The following RAB20 variants were observed in gnomAD, a reference collection of about 807,000 sequenced individuals.
RAB20 encodes RAB20, member RAS oncogene family.
A neutral mutation model predicts 3.7 loss-of-function variants in RAB20; 2 were observed. That is an observed-to-expected ratio of 0.54 (90% CI 0.22 to 1.69). RAB20 has a LOEUF of 1.69. Among genes scored for constraint, RAB20 ranks in the 40% most tolerant of loss-of-function variants. The probability of loss-of-function intolerance (pLI) is 0.19; values close to 1 mark genes in which losing one functional copy is unlikely to be tolerated. For synonymous variants in RAB20, 126 were observed against 130.8 expected (o/e 0.96, Z 0.25); for missense variants, 276 against 311.9 (o/e 0.88, Z 0.87).
chr13:110,555,767 C>CGA lies in RAB20; in HGVS notation c.172+5580_172+5581insTC, dbSNP rs1185263321. 6.6e-6 allele frequency among the ~76,000 whole-genome samples: 1 copy of CGA among 152,182 alleles called. No homozygotes were observed. The highest frequency in any genetic ancestry group is 1.9e-4 in the East Asian group (1 of 5,188). On this transcript the variant is annotated intron_variant, in intron 1 of 1. Coordinates refer to ENST00000267328, the MANE Select transcript of RAB20 (RefSeq NM_017817.3). This position sits in a 1 kb window ranked among gnomAD's most constrained non-coding sequence, Gnocchi z 4.0. ...TGGCCAGGTCTCCCAGGTTGCTGAG[C>CGA]CCTTGGGTGGCAGATGGCGACTTTT...
intron 1 of RAB20, among the ~76,000 whole-genome samples, chr13:110,528,734 C>G (rs1884476227): frequency 6.6e-6 from 1 of 152,048 alleles, no homozygotes; most frequent in Admixed American, 6.6e-5. Flanking sequence ...GATAAAAATG[C>G]CTGATTTGCC....
chr13:110,526,299 A>T (rs11616672), intron 1 of RAB20, among the ~76,000 whole-genome samples: 15,010 of 152,278 alleles, frequency 0.099, 815 homozygotes, highest in East Asian at 0.15. Context: ...GCACCCAGGG[A>T]GTGTCCAGGC....
rs751712233 is a variant in RAB20, at chr13:110,523,732, G to A, written c.638C>T (p.Pro213Leu). ...ACTGGATATATCCACTGTGTGTGAC[G>A]GCCTCTCAGCTCTCTGCTGTAAGAT... ...PMILQQRAER[P>L]SHTVDISSHK... Residue 213 changes from proline (P) to leucine (L), a missense_variant, in exon 2 of 2, where the codon CCG becomes CTG. Pro to Leu is a moderately conservative substitution (Grantham distance 98, BLOSUM62 -3). Transcript: ENST00000267328. 8 of 1,614,162 alleles carry A rather than the reference G, an allele frequency of 5.0e-6. No homozygotes were observed. The highest frequency in any genetic ancestry group is 2.2e-5 in the East Asian group (1 of 44,882).
chr13:110,536,721 T>TTTGGGGG (rs1164445964), intron 1 of RAB20, among the ~76,000 whole-genome samples: 1 of 7,456 alleles, frequency 1.3e-4, no homozygotes, highest in Admixed American at 1.9e-3. Context: ...GGCTTTTTTT[T>TTTGGGGG]GGGGCGGTGG....
intron 1 of RAB20, among the ~76,000 whole-genome samples, chr13:110,554,064 G>A (rs1374776973): frequency 1.3e-5 from 2 of 152,174 alleles, no homozygotes; most frequent in African/African-American, 2.4e-5. Flanking sequence ...ACAGTGAGCT[G>A]TGGTTACCCC....
chr13:110,554,351 A>G (rs1187757994), intron 1 of RAB20, among the ~76,000 whole-genome samples: 1 of 152,188 alleles, frequency 6.6e-6, no homozygotes, highest in African/African-American at 2.4e-5. Flanking sequence ...CATATGACAC[A>G]GCCTCCACCC....
chr13:110,524,723 G>A (rs1189508772), intron 1 of RAB20, among the ~76,000 whole-genome samples: 1 of 152,202 alleles, frequency 6.6e-6, no homozygotes, highest in East Asian at 1.9e-4. Flanking sequence ...TGCGGGGAGG[G>A]CTTCTGAGTT....
At chr13:110,527,889 A>G (rs1351831839) in intron 1 of RAB20, among the ~76,000 whole-genome samples, 1 of 143,846 alleles carries the variant, frequency 7.0e-6, no homozygotes, top group African/African-American at 2.6e-5. Context: ...CAAGGCTCCT[A>G]TCTCTACAAA....
At position 110,558,380 on chromosome 13, in the gene RAB20, C is replaced by CTTT. The variant is rs34187531; in HGVS notation, c.172+2965_172+2967dup. On this transcript the variant is annotated intron_variant, in intron 1 of 1. Transcript: ENST00000267328. ...CCACTTAACTTCTGCTGTCTTCCCA[C>CTTT]TTTTTTTTTTTTTTTTTTTTGAGAC... Among the ~76,000 whole-genome samples the CTTT allele has an allele frequency of 4.1e-3, 494 of 119,314 alleles. 10 individuals are homozygous for CTTT. The highest frequency in any genetic ancestry group is 5.1e-3 in the Admixed American group (55 of 10,754). 78.3% of individuals were successfully genotyped at this position (119,314 alleles called of 152,430 possible). A position where few individuals can be genotyped will look rare whatever the true frequency, so the allele number is the denominator to read the frequency against.
chr13:110,561,385 C>T lies in RAB20; in HGVS notation c.135G>A (p.Gln45=). The change falls in exon 1 of 2, where the codon CAG becomes CAA. Residue 45 remains glutamine, a synonymous_variant. Transcript: ENST00000267328. ...STVGGAFYLK[Q]WRSYNISIWD... The stretch of plus-strand genomic sequence containing the variant: ...AGATGGAGATGTTGTAGGAGCGCCA[C>T]TGCTTCAGGTAGAAGGCGCCGCCCA... The T allele has an allele frequency of 6.2e-7, 1 of 1,609,690 alleles. No homozygotes were observed. The highest frequency in any genetic ancestry group is 1.1e-5 in the South Asian group (1 of 90,934).
chr13:110,553,169 T>C (rs1884985966), intron 1 of RAB20, among the ~76,000 whole-genome samples: 1 of 152,242 alleles, frequency 6.6e-6, no homozygotes, highest in South Asian at 2.1e-4. Context: ...GAGGTGACCA[T>C]GTGGACCCAC....
At chr13:110,552,658 A>C (rs1468624621) in intron 1 of RAB20, among the ~76,000 whole-genome samples, 1 of 151,630 alleles carries the variant, frequency 6.6e-6, no homozygotes, top group Non-Finnish European at 1.5e-5. Context: ...ATGCCACTGC[A>C]CTCCAGCCTG....
At chr13:110,548,814 G>A (rs1884899830) in intron 1 of RAB20, among the ~76,000 whole-genome samples, 1 of 152,106 alleles carries the variant, frequency 6.6e-6, no homozygotes, top group African/African-American at 2.4e-5. Flanking sequence ...TTCCTCATCT[G>A]CACCGAGAGG....
At chr13:110,560,212 A>G (rs953429389) in intron 1 of RAB20, among the ~76,000 whole-genome samples, 1 of 152,232 alleles carries the variant, frequency 6.6e-6, no homozygotes, top group African/African-American at 2.4e-5. Flanking sequence ...AGCAAAGATC[A>G]GGGAAATGCA....
chr13:110,534,704 A>G (rs1566585334), intron 1 of RAB20, among the ~76,000 whole-genome samples: 1 of 152,226 alleles, frequency 6.6e-6, no homozygotes, highest in African/African-American at 2.4e-5. Context: ...GCTTCAAAAG[A>G]GTGTGAACTC....
intron 1 of RAB20, among the ~76,000 whole-genome samples, chr13:110,536,061 G>C (rs1189393619): frequency 1.3e-5 from 2 of 152,186 alleles, no homozygotes; most frequent in Admixed American, 1.3e-4. Flanking sequence ...GTCCTTATTA[G>C]AGAAGACACC....
At chr13:110,544,605 A>G (rs144599099) in intron 1 of RAB20, among the ~76,000 whole-genome samples, 5 of 152,364 alleles carry the variant, frequency 3.3e-5, no homozygotes, top group Non-Finnish European at 7.3e-5. Context: ...AAGGAGCCAG[A>G]CCTAGGTCAT....
chr13:110,548,912 A>G (rs190722958), intron 1 of RAB20, among the ~76,000 whole-genome samples: 24 of 152,280 alleles, frequency 1.6e-4, no homozygotes, highest in African/African-American at 5.5e-4. Flanking sequence ...ACCCAGAAGC[A>G]TGATAAATGC....
At chr13:110,554,537 C>G (rs1170164815) in intron 1 of RAB20, among the ~76,000 whole-genome samples, 1 of 152,206 alleles carries the variant, frequency 6.6e-6, no homozygotes, top group Non-Finnish European at 1.5e-5. Flanking sequence ...CTCAGACAGA[C>G]AGCAGTTCAC....
Sources: gnomAD v4.1 joint callset for allele counts (sites outside exome capture counted in the v4.1 genomes callset) on GRCh38, gnomAD v4.1.1 for gene constraint, Gnocchi (gnomAD v3.1) non-coding constraint, MANE v1.5 for transcripts, NCBI Gene and HGNC (gene_info 2026-07-23, HGNC 2026-07-21) for gene names.